MAN1C1: variants seen among roughly 807,000 people sequenced by gnomAD.
MAN1C1 encodes mannosyl-oligosaccharide 1,2-alpha-mannosidase IC.
A neutral mutation model predicts 71.5 loss-of-function variants in MAN1C1; 49 were observed. The ratio of observed to expected loss-of-function variants is 0.69; its 90% CI spans 0.54 to 0.87. The LOEUF (loss-of-function observed/expected upper bound fraction) is 0.87, where lower values mean the gene tolerates loss of function less well. Among genes scored for constraint, MAN1C1 ranks in the 40% least tolerant of loss-of-function variants. The probability of loss-of-function intolerance (pLI) is 0.00; values close to 1 mark genes in which losing one functional copy is unlikely to be tolerated. For synonymous variants in MAN1C1, 352 were observed against 343.7 expected, an observed-to-expected ratio of 1.02 and a Z score of -0.27; for missense variants, 743 against 835.0, an observed-to-expected ratio of 0.89 and a Z score of 1.36.
At chr1:25,650,898 A>G (rs1486805392) in intron 1 of MAN1C1, among the ~76,000 whole-genome samples, 1 of 152,150 alleles carries the variant, frequency 6.6e-6, no homozygotes, top group Non-Finnish European at 1.5e-5. Flanking sequence ...ATTTCAAATC[A>G]GTTTTAATAG....
chr1:25,694,636 G>A (rs1174665543), intron 2 of MAN1C1, among the ~76,000 whole-genome samples: 1 of 152,220 alleles, frequency 6.6e-6, no homozygotes, highest in African/African-American at 2.4e-5. Context: ...TGACTTAGTA[G>A]TGCCTTCTGC....
intron 2 of MAN1C1, among the ~76,000 whole-genome samples, chr1:25,702,607 C>T (rs550541506): frequency 1.3e-5 from 2 of 152,188 alleles, no homozygotes; most frequent in South Asian, 4.1e-4. Context: ...ACCAGGGGGC[C>T]TGGTTCACCA....
chr1:25,716,041 A>T (rs1313909312), intron 2 of MAN1C1, among the ~76,000 whole-genome samples: 1 of 152,190 alleles, frequency 6.6e-6, no homozygotes, highest in African/African-American at 2.4e-5. Flanking sequence ...GCAGGAAGGG[A>T]AAAAGAGGAA....
chr1:25,679,976 TATAC>T (rs2046128391), intron 1 of MAN1C1, among the ~76,000 whole-genome samples: 2 of 132,366 alleles, frequency 1.5e-5, no homozygotes, highest in African/African-American at 3.1e-5. Context: ...TATATATATA[TATAC>T]ACACACACAC....
intron 8 of MAN1C1, 90 bp downstream of exon 8, chr1:25,771,862 C>T: frequency 2.1e-6 from 2 of 958,474 alleles, no homozygotes; most frequent in South Asian, 1.4e-5. Flanking sequence ...GCAGCGGGGC[C>T]AGATGGGCCG....
intron 2 of MAN1C1, among the ~76,000 whole-genome samples, chr1:25,716,950 C>T (rs2046689091): frequency 6.6e-6 from 1 of 152,184 alleles, no homozygotes; most frequent in Non-Finnish European, 1.5e-5. Flanking sequence ...CTGGTTCCTT[C>T]ACTCATCAGG....
intron 2 of MAN1C1, among the ~76,000 whole-genome samples, chr1:25,728,557 A>T (rs2046865705): frequency 6.6e-6 from 1 of 152,150 alleles, no homozygotes; most frequent in African/African-American, 2.4e-5. Context: ...AGTCATATTG[A>T]TGGTGGGGAG....
At chr1:25,677,012 G>T (rs896061132) in intron 1 of MAN1C1, among the ~76,000 whole-genome samples, 1 of 152,130 alleles carries the variant, frequency 6.6e-6, no homozygotes, top group Non-Finnish European at 1.5e-5. Flanking sequence ...AGCTGAGTGG[G>T]CATCTGTGCC....
intron 2 of MAN1C1, among the ~76,000 whole-genome samples, chr1:25,691,074 T>C (rs751250915): frequency 1.2e-4 from 19 of 152,128 alleles, no homozygotes; most frequent in African/African-American, 3.6e-4. Context: ...CCCAGCACTG[T>C]GGGAGGCCGA....
At chr1:25,759,282 C>T (rs373642454) in intron 6 of MAN1C1, 64 of 158,250 alleles carry the variant, frequency 4.0e-4, no homozygotes, top group Admixed American at 2.0e-3. Context: ...CATACCTGGC[C>T]TTGGGCAGTC....
chr1:25,709,075 A>G (rs923623096), intron 2 of MAN1C1, among the ~76,000 whole-genome samples: 34 of 152,136 alleles, frequency 2.2e-4, no homozygotes, highest in African/African-American at 7.7e-4. Context: ...AACACCTACT[A>G]GGCTGAAAGT....
chr1:25,673,800 CG>C (rs2046026441), intron 1 of MAN1C1, among the ~76,000 whole-genome samples: 1 of 152,172 alleles, frequency 6.6e-6, no homozygotes, highest in Non-Finnish European at 1.5e-5. Flanking sequence ...TGTGGAAGTG[CG>C]GTTTCTTTTG....
chr1:25,734,907 A>T (rs2046960509), intron 2 of MAN1C1, among the ~76,000 whole-genome samples: 1 of 152,356 alleles, frequency 6.6e-6, no homozygotes, highest in Non-Finnish European at 1.5e-5. Context: ...CCTCAGATCC[A>T]CGTGGGAGAG....
At chr1:25,635,792 T>TA (rs2124756661) in intron 1 of MAN1C1, among the ~76,000 whole-genome samples, 1 of 152,272 alleles carries the variant, frequency 6.6e-6, no homozygotes, top group Admixed American at 6.5e-5. Flanking sequence ...TGGTATTCCT[T>TA]CTTTAATTCC....
intron 2 of MAN1C1, among the ~76,000 whole-genome samples, chr1:25,692,536 G>A (rs1192392688): frequency 6.6e-6 from 1 of 152,128 alleles, no homozygotes; most frequent in East Asian, 1.9e-4. Flanking sequence ...CCCTTTGTCT[G>A]CCTCACAGCC....
intron 2 of MAN1C1, among the ~76,000 whole-genome samples, chr1:25,713,573 A>G (rs538910566): frequency 6.6e-6 from 1 of 152,228 alleles, no homozygotes; most frequent in African/African-American, 2.4e-5. Context: ...GGCTGGAACT[A>G]TTTTGCTAGA....
rs566657470 is a variant in MAN1C1 at position 25,781,016 on chromosome 1, C to T, written c.1554C>T (p.Tyr518=). 6 of 1,614,062 alleles carry T rather than the reference C, an allele frequency of 3.7e-6. No individual in the cohort carries two copies. Among genetic ancestry groups the T allele is most frequent in the Non-Finnish European group, 5.1e-6 (6 of 1,180,054 alleles). ...TGGCCACCCAGCTGAGCGAGAGCTA[C>T]TACATCCTCCGGCCAGAGGTGGTGG... ...EAVATQLSES[Y]YILRPEVVES... Residue 518 remains tyrosine, a synonymous_variant, in exon 10 of 12, where the codon TAC becomes TAT. Coordinates refer to ENST00000374332, the MANE Select transcript of MAN1C1 (RefSeq NM_020379.4).
At chr1:25,636,785 A>G (rs536443493) in intron 1 of MAN1C1, among the ~76,000 whole-genome samples, 57 of 152,358 alleles carry the variant, frequency 3.7e-4, no homozygotes, top group African/African-American at 1.3e-3. Flanking sequence ...GAACTGATAA[A>G]TGTCCATGAA....
intron 2 of MAN1C1, among the ~76,000 whole-genome samples, chr1:25,687,844 ATCTGT>A: frequency 6.6e-6 from 1 of 152,304 alleles, no homozygotes; most frequent in African/African-American, 2.4e-5. Flanking sequence ...CAAAAAAAAA[ATCTGT>A]TCTGCTCTGT....
Sources: allele counts gnomAD v4.1 joint callset (sites outside exome capture counted in the v4.1 genomes callset), GRCh38; gene constraint gnomAD v4.1.1; transcripts MANE v1.5; gene names NCBI Gene and HGNC (gene_info 2026-07-23, HGNC 2026-07-21).